Variants in SORCS2 observed in about 807,000 individuals in gnomAD.
SORCS2 encodes VPS10 domain-containing receptor SorCS2.
In SORCS2, 100 loss-of-function variants were observed where a neutral mutation model predicts 141.6. The observed-to-expected ratio is 0.71, with a 90% CI of 0.60 to 0.83. SORCS2 has a LOEUF of 0.83. Ranked by LOEUF, SORCS2 falls within the 40% of genes least tolerant of loss-of-function variation. SORCS2 has a pLI of 0.00. For synonymous variants in SORCS2, 789 were observed against 676.9 expected, an observed-to-expected ratio of 1.17 and a Z score of -2.57; for missense variants, 1,646 against 1,560.2, an observed-to-expected ratio of 1.05 and a Z score of -0.93.
intron 3 of SORCS2, among the ~76,000 whole-genome samples, chr4:7,537,202 T>G (rs1712206725): frequency 6.6e-6 from 1 of 152,164 alleles, no homozygotes; most frequent in African/African-American, 2.4e-5. Context: ...CAGATCCCAT[T>G]TCCTCTCTGG....
chr4:7,630,627 G>A (rs992715748), intron 3 of SORCS2, among the ~76,000 whole-genome samples: 12 of 152,166 alleles, frequency 7.9e-5, no homozygotes, highest in Admixed American at 2.6e-4. Flanking sequence ...AACATCCAGC[G>A]AGCTGTGTGC....
intron 3 of SORCS2, among the ~76,000 whole-genome samples, chr4:7,539,617 C>T (rs983090656): frequency 3.7e-4 from 56 of 152,050 alleles, no homozygotes; most frequent in African/African-American, 1.3e-3. Context: ...GTCTCACTCT[C>T]TTCCCTCCAC....
rs150385685 is a variant in SORCS2 at position 7,668,432 on chromosome 4, G to A, written c.1161+1219G>A. 4.1e-3 allele frequency among the ~76,000 whole-genome samples: 620 copies of A among 152,274 alleles called. 7 individuals carry two copies. Among genetic ancestry groups the A allele is most frequent in the African/African-American group, 0.014 (600 of 41,554 alleles). On this transcript the variant is annotated intron_variant, in intron 8 of 26. Coordinates refer to ENST00000507866, the MANE Select transcript of SORCS2 (RefSeq NM_020777.3). ...AGCAAGGGAGAAAATGGTTCGGGTGGAGGGCAGAGCAGGCGCTAAGACCCT... is the reference window on the plus strand; with the variant it reads ...AGCAAGGGAGAAAATGGTTCGGGTGAAGGGCAGAGCAGGCGCTAAGACCCT...
chr4:7,381,038 C>T lies in SORCS2; in HGVS notation c.481-15250C>T, dbSNP rs943686482. 9.0e-4 allele frequency among the ~76,000 whole-genome samples: 131 copies of T among 145,020 alleles called. 1 individual carries two copies. Among genetic ancestry groups the T allele is most frequent in the African/African-American group, 3.0e-3 (116 of 38,668 alleles). ...CAGAGGTTTCAGTGAGCTGAGATTG[C>T]GCCACTGCACTCCAGCCTGGGTGAT... On this transcript the variant is annotated intron_variant, in intron 1 of 26. Transcript: ENST00000507866.
Position 7,315,858 on chromosome 4 carries a change from G to A in SORCS2, c.481-80430G>A, listed in dbSNP as rs148479424. ...TTCCCCAGCAGTGTGGGGGAGTGGGGGAGGAAGAGGGGAGAAGCCTGGTAC... is the reference window on the plus strand; with the variant it reads ...TTCCCCAGCAGTGTGGGGGAGTGGGAGAGGAAGAGGGGAGAAGCCTGGTAC... On this transcript the variant is annotated intron_variant, in intron 1 of 26. Transcript: ENST00000507866. 1.8e-4 allele frequency among the ~76,000 whole-genome samples: 27 copies of A among 152,262 alleles called. No homozygotes were observed. The East Asian group carries it at 5.2e-3, about 29-fold the overall frequency.
At chr4:7,579,131 T>C (rs1039595804) in intron 3 of SORCS2, among the ~76,000 whole-genome samples, 1 of 152,210 alleles carries the variant, frequency 6.6e-6, no homozygotes, top group African/African-American at 2.4e-5. Flanking sequence ...AGACTCACAC[T>C]TGGGGCTGCC....
intron 3 of SORCS2, among the ~76,000 whole-genome samples, chr4:7,601,925 G>A (rs1004730847): frequency 6.6e-6 from 1 of 152,122 alleles, no homozygotes; most frequent in African/African-American, 2.4e-5. Flanking sequence ...ATCTTGCACC[G>A]CCCTTAATCC....
chr4:7,231,604 T>C (rs1283468743), intron 1 of SORCS2, among the ~76,000 whole-genome samples: 1 of 152,224 alleles, frequency 6.6e-6, no homozygotes, highest in Non-Finnish European at 1.5e-5. Flanking sequence ...AACTCTACAC[T>C]GTGTGGTGCA....
At chr4:7,640,381 A>T (rs1287044118) in intron 4 of SORCS2, among the ~76,000 whole-genome samples, 1 of 119,530 alleles carries the variant, frequency 8.4e-6, no homozygotes, top group Non-Finnish European at 1.8e-5. Context: ...AATGTACATG[A>T]GTGTGTGGGT....
chr4:7,288,799 GGA>G lies in SORCS2; in HGVS notation c.480+95675_480+95676del, dbSNP rs1491019500. 1.4e-3 allele frequency among the ~76,000 whole-genome samples: 172 copies of G among 121,592 alleles called. 1 individual carries two copies. The highest frequency in any genetic ancestry group is 4.7e-3 in the African/African-American group (165 of 34,888). 79.8% of individuals were successfully genotyped at this position (121,592 alleles called of 152,430 possible). On this transcript the variant is annotated intron_variant, in intron 1 of 26. Coordinates refer to ENST00000507866, the MANE Select transcript of SORCS2 (RefSeq NM_020777.3). ...CAGGAATTCATGTGGGGTGGGGGGG[GGA>G]GTTGGGGAGGGCACAGTTCAGTCTG...
chr4:7,715,475 C>T lies in SORCS2; in HGVS notation c.2252+164C>T, dbSNP rs531392600. On this transcript the variant is annotated intron_variant, in intron 17 of 26. Coordinates refer to ENST00000507866, the MANE Select transcript of SORCS2 (RefSeq NM_020777.3). ...GATGCCCCACGCTCACAGCACAGAG[C>T]CTGGCTGCGGTGCTCATATGAGTCA... is the stretch of plus-strand genomic sequence containing the variant. Among the ~76,000 whole-genome samples the T allele has an allele frequency of 2.4e-4, 37 of 152,296 alleles. No individual in the cohort carries two copies. The South Asian group carries it at 7.3e-3, about 30-fold the overall frequency.
chr4:7,388,975 T>G lies in SORCS2; in HGVS notation c.481-7313T>G, dbSNP rs566319712. ...TCCCATGCACAGCACTTCGATGGAA[T>G]AGCTTCCCTGAAATGGGATCTCCAG... On this transcript the variant is annotated intron_variant, in intron 1 of 26. Coordinates refer to ENST00000507866, the MANE Select transcript of SORCS2 (RefSeq NM_020777.3). Among the ~76,000 whole-genome samples, 6 of 152,352 alleles carry G rather than the reference T, an allele frequency of 3.9e-5. No individual in the cohort carries two copies. In the East Asian group the frequency reaches 1.2e-3, roughly 29 times the overall value.
chr4:7,736,328 C>T (rs1157971180), intron 25 of SORCS2, among the ~76,000 whole-genome samples: 2 of 152,246 alleles, frequency 1.3e-5, no homozygotes, highest in Non-Finnish European at 2.9e-5. Context: ...ATACTGGCCA[C>T]CCTCTGTCAC....
intron 1 of SORCS2, among the ~76,000 whole-genome samples, chr4:7,235,367 G>A (rs1019297153): frequency 1.1e-4 from 16 of 152,214 alleles, no homozygotes; most frequent in Admixed American, 2.6e-4. Flanking sequence ...TTTGGGGCAG[G>A]AACTGGTAAG....
intron 2 of SORCS2, among the ~76,000 whole-genome samples, chr4:7,427,668 G>A (rs987537687): frequency 2.6e-5 from 4 of 152,056 alleles, no homozygotes; most frequent in Admixed American, 6.5e-5. Flanking sequence ...TGTGAGACTC[G>A]GGAAGCTTCC....
rs1286304627 is a variant in SORCS2, at chr4:7,657,852, GAGTA to G, written c.888-3644_888-3641del. On this transcript the variant is annotated intron_variant, in intron 5 of 26. Transcript: ENST00000507866. ...TCTGTGACTGAGTGAGTGAGTGAATGAGTAAGTGAATGAGTGAGTGAGTCACTGA... is the reference window on the plus strand; with the variant it reads ...TCTGTGACTGAGTGAGTGAGTGAATGAGTGAATGAGTGAGTGAGTCACTGA... Among the ~76,000 whole-genome samples the G allele has an allele frequency of 4.6e-5, 7 of 152,198 alleles. No homozygotes were observed. The East Asian group carries it at 1.2e-3, about 25-fold the overall frequency.
intron 1 of SORCS2, among the ~76,000 whole-genome samples, chr4:7,334,770 G>A (rs1319622163): frequency 6.6e-6 from 1 of 152,186 alleles, no homozygotes; most frequent in Non-Finnish European, 1.5e-5. Context: ...TGGGCCCAGA[G>A]AGGGGAGACC....
intron 3 of SORCS2, among the ~76,000 whole-genome samples, chr4:7,631,423 T>C (rs1158712828): frequency 6.6e-6 from 1 of 151,010 alleles, no homozygotes; most frequent in African/African-American, 2.4e-5. Context: ...CAGCTCAGCA[T>C]CTCCCGGTGT....
intron 3 of SORCS2, among the ~76,000 whole-genome samples, chr4:7,554,522 G>C (rs1303597587): frequency 6.6e-6 from 1 of 152,084 alleles, no homozygotes; most frequent in East Asian, 1.9e-4. Context: ...CCTGGTGCTA[G>C]ACAGCCCACC....
Sources: gnomAD v4.1 joint callset for allele counts (sites outside exome capture counted in the v4.1 genomes callset) on GRCh38, gnomAD v4.1.1 for gene constraint, MANE v1.5 for transcripts, NCBI Gene and HGNC (gene_info 2026-07-23, HGNC 2026-07-21) for gene names.